ANK1: variants seen among roughly 807,000 people sequenced by gnomAD.
ANK1 encodes ankyrin-1.
ANK1 carries 51 observed loss-of-function variants against 210.4 expected under a neutral mutation model. That is an observed-to-expected ratio of 0.24 (90% CI 0.19 to 0.31). The LOEUF (loss-of-function observed/expected upper bound fraction) is 0.31. Ranked by LOEUF, ANK1 falls within the 10% of genes least tolerant of loss-of-function variation. The probability of loss-of-function intolerance (pLI) is 1.00; values close to 1 mark genes in which losing one functional copy is unlikely to be tolerated. For missense variants in ANK1, 2,051 were observed against 2,504.4 expected, an observed-to-expected ratio of 0.82 and a Z score of 3.86; for synonymous variants, 967 against 1,025.9, an observed-to-expected ratio of 0.94 and a Z score of 1.10.
chr8:41,799,063 T>G (rs1009900851), upstream of ANK1, among the ~76,000 whole-genome samples: 4 of 151,392 alleles, frequency 2.6e-5, no homozygotes, highest in African/African-American at 7.3e-5. Context: ...GCTGACAGAG[T>G]TCTAGGCCAC....
At chr8:41,817,442 C>T (rs772007485) in intron 1 of ANK1, among the ~76,000 whole-genome samples, 3 of 152,174 alleles carry the variant, frequency 2.0e-5, no homozygotes, top group Non-Finnish European at 2.9e-5. Context: ...GAGGCACATT[C>T]CTGCTGTGAT....
At chr8:41,741,663 C>T (rs550072950) in intron 2 of ANK1, among the ~76,000 whole-genome samples, 7 of 152,256 alleles carry the variant, frequency 4.6e-5, no homozygotes, top group South Asian at 2.1e-4. Flanking sequence ...TTACGTGGCC[C>T]GCTTCTTAGA....
intron 1 of ANK1, among the ~76,000 whole-genome samples, chr8:41,850,374 A>C (rs1167289302): frequency 6.6e-6 from 1 of 152,178 alleles, no homozygotes; most frequent in East Asian, 1.9e-4. Flanking sequence ...TTTCTTCCAG[A>C]AAGAAAAAAA....
chr8:41,720,557 G>A (rs1376174880), intron 9 of ANK1, among the ~76,000 whole-genome samples: 1 of 152,094 alleles, frequency 6.6e-6, no homozygotes, highest in Non-Finnish European at 1.5e-5. Flanking sequence ...TGTGCACCTG[G>A]TATGGGTTAA....
Position 41,695,325 on chromosome 8 carries a change from T to C in ANK1, c.2967A>G (p.Val989=). ...AGGCAAAGTGCGGGATCTCCACGAT[T>C]ACAGGGCTGAGGCAAGGACACAGTG... The part of the protein sequence containing the change: ...GPTGAQFLSP[V]IVEIPHFASH... Residue 989 remains valine (V), a synonymous_variant, in exon 27 of 43, where the codon GTA becomes GTG. Coordinates refer to ENST00000289734, the MANE Select transcript of ANK1 (RefSeq NM_000037.4). 1 of 1,613,814 alleles carries C rather than the reference T, an allele frequency of 6.2e-7. No homozygotes were observed. Among genetic ancestry groups the C allele is most frequent in the East Asian group, 2.2e-5 (1 of 44,842 alleles).
intron 10 of ANK1, among the ~76,000 whole-genome samples, chr8:41,718,810 A>C (rs1207105910): frequency 6.6e-6 from 1 of 152,186 alleles, no homozygotes; most frequent in African/African-American, 2.4e-5. Flanking sequence ...CTAGGGAAGG[A>C]GAGCTATGAG....
intron 2 of ANK1, among the ~76,000 whole-genome samples, chr8:41,736,368 T>A (rs1368718826): frequency 6.6e-6 from 1 of 152,210 alleles, no homozygotes; most frequent in Non-Finnish European, 1.5e-5. Context: ...CTGCTCCTTC[T>A]CAGAGCAGGG....
Position 41,725,927 on chromosome 8 carries a change from G to T in ANK1, c.446C>A (p.Ala149Glu). The change falls in exon 6 of 43, where the codon GCG becomes GAG. Residue 149 changes from alanine (A) to glutamate (E), a missense_variant. Transcript: ENST00000289734. ...VATEDGFTPL[A>E]VALQQGHENV... ...CTCATGGCCCTGCTGCAGGGCTACCGCCAGAGGCGTGAAGCCGTCCTGGCC... is the reference window on the plus strand; with the variant it reads ...CTCATGGCCCTGCTGCAGGGCTACCTCCAGAGGCGTGAAGCCGTCCTGGCC... 6.2e-7 allele frequency: 1 copy of T among 1,613,558 alleles called. No individual in the cohort carries two copies.
Position 41,797,414 on chromosome 8 carries a change from T to C in ANK1, c.27+98A>G. ...ACGGGGAGGCGAGGCGGGTGGGGTGTGCAAAGCTGCTCTTGCTCGCGTGCT... is the reference window on the plus strand; with the variant it reads ...ACGGGGAGGCGAGGCGGGTGGGGTGCGCAAAGCTGCTCTTGCTCGCGTGCT... On this transcript the variant is annotated intron_variant, in intron 1 of 42. Coordinates refer to ENST00000289734, the MANE Select transcript of ANK1 (RefSeq NM_000037.4). The surrounding 1 kb of genome is among the most constrained non-coding windows in gnomAD (Gnocchi z 4.0). 8.8e-7 allele frequency: 1 copy of C among 1,137,682 alleles called. No individual in the cohort carries two copies. The highest frequency in any genetic ancestry group is 1.5e-5 in the African/African-American group (1 of 64,800). The allele number at this position is 1,137,682 out of a possible 1,614,324, so 70.5% of individuals were successfully genotyped here. A position where few individuals can be genotyped will look rare whatever the true frequency, so the allele number is the denominator to read the frequency against.
At chr8:41,681,777 C>T (rs1816140039) in intron 37 of ANK1, among the ~76,000 whole-genome samples, 1 of 150,666 alleles carries the variant, frequency 6.6e-6, no homozygotes, top group Non-Finnish European at 1.5e-5. Context: ...GCCACCTTCT[C>T]TCCAGAACAC....
intron 1 of ANK1, among the ~76,000 whole-genome samples, chr8:41,881,290 C>T (rs1041233801): frequency 1.3e-5 from 2 of 152,192 alleles, no homozygotes; most frequent in South Asian, 4.1e-4. Flanking sequence ...GTCACTCAGC[C>T]ACTTCCGAGA....
intron 1 of ANK1, among the ~76,000 whole-genome samples, chr8:41,761,145 G>T (rs1332092254): frequency 7.8e-6 from 1 of 128,372 alleles, no homozygotes; most frequent in Non-Finnish European, 1.6e-5. Context: ...ACACACACAT[G>T]CATGCACATA....
intron 1 of ANK1, among the ~76,000 whole-genome samples, chr8:41,758,959 G>T (rs1461976302): frequency 1.3e-5 from 2 of 152,016 alleles, no homozygotes; most frequent in Admixed American, 1.3e-4. Context: ...TCGAACTCCT[G>T]GGCTCAAGCA....
chr8:41,859,202 G>A (rs1812785593), intron 1 of ANK1, among the ~76,000 whole-genome samples: 1 of 152,262 alleles, frequency 6.6e-6, no homozygotes, highest in Admixed American at 6.5e-5. Context: ...CACGGAAGGA[G>A]AGAAAGCCCC....
In ANK1 at chr8:41,699,658, G is replaced by A. The variant is rs1822139796; in HGVS notation, c.2462-110C>T. 7.0e-6 allele frequency: 7 copies of A among 1,006,604 alleles called. No individual in the cohort carries two copies. In the East Asian group the frequency reaches 1.7e-4, roughly 24 times the overall value. 62.4% of individuals were successfully genotyped at this position (1,006,604 alleles called of 1,614,324 possible). A position where few individuals can be genotyped will look rare whatever the true frequency, so the allele number is the denominator to read the frequency against. ...CTCTGGGGGCTTGCTCCTGAGGAGT[G>A]GGGAAGGTCTTGATGCTGCAAGGAG... On this transcript the variant is annotated intron_variant, in intron 22 of 42. Transcript: ENST00000289734.
rs1023627789 is a variant in ANK1, at chr8:41,866,351, G to A, written c.126+30004C>T. On this transcript the variant is annotated intron_variant, in intron 1 of 42. Transcript: ENST00000265709. ...ACCACAGGTGTACACCACCAAACCT[G>A]GCTGATTTTATTTTTTATTTTTTGT... Among the ~76,000 whole-genome samples the A allele has an allele frequency of 6.6e-5, 10 of 152,230 alleles. No individual in the cohort carries two copies. In the East Asian group the frequency reaches 1.9e-3, roughly 29 times the overall value.
At chr8:41,868,005 G>A (rs1176590109) in intron 1 of ANK1, among the ~76,000 whole-genome samples, 4 of 151,980 alleles carry the variant, frequency 2.6e-5, no homozygotes, top group Non-Finnish European at 4.4e-5. Flanking sequence ...GATTACAGGC[G>A]CCTGCCACCA....
rs1804815020 is a variant in ANK1, at chr8:41,653,776, G to C, written c.*2014C>G. On this transcript the variant is annotated 3_prime_UTR_variant, in exon 43 of 43. Coordinates refer to ENST00000289734, the MANE Select transcript of ANK1 (RefSeq NM_000037.4). The stretch of plus-strand genomic sequence containing the variant: ...CCGGGCCGGGGTGGCCTCTGGCGGA[G>C]ACGGCAGCCGTCCGGGCTCGCCCTG... 6.6e-6 allele frequency: 1 copy of C among 152,278 alleles called. No homozygotes were observed. Among genetic ancestry groups the C allele is most frequent in the Admixed American group, 6.5e-5 (1 of 15,288 alleles). 9.4% of individuals were successfully genotyped at this position (152,278 alleles called of 1,614,324 possible). A position where few individuals can be genotyped will look rare whatever the true frequency, so the allele number is the denominator to read the frequency against.
intron 1 of ANK1, among the ~76,000 whole-genome samples, chr8:41,848,187 A>T (rs533084319): frequency 1.1e-3 from 160 of 142,956 alleles, no homozygotes; most frequent in Non-Finnish European, 2.1e-3. Context: ...CTCAATTTCA[A>T]AAATAAATAA....
Sources: gnomAD v4.1 joint callset for allele counts (sites outside exome capture counted in the v4.1 genomes callset) on GRCh38, gnomAD v4.1.1 for gene constraint, Gnocchi (gnomAD v3.1) non-coding constraint, MANE v1.5 for transcripts, NCBI Gene and HGNC (gene_info 2026-07-23, HGNC 2026-07-21) for gene names.